Variants in ADCY8 observed in about 807,000 individuals in gnomAD.
ADCY8 encodes the protein adenylate cyclase 8.
ADCY8 carries 51 observed loss-of-function variants against 119.7 expected under a neutral mutation model. That is an observed-to-expected ratio of 0.43 (90% CI 0.34 to 0.54). ADCY8 has a LOEUF of 0.54. Among genes scored for constraint, ADCY8 ranks in the 20% least tolerant of loss-of-function variants. The pLI, the probability that ADCY8 is intolerant of heterozygous loss-of-function variation, is 0.03. For synonymous variants in ADCY8, 665 were observed against 651.0 expected (o/e 1.02, Z -0.33); for missense variants, 1,383 against 1,598.8 (o/e 0.87, Z 2.30).
At position 130,780,601 on chromosome 8, in the gene ADCY8, G is replaced by T; in HGVS notation, c.3545C>A (p.Pro1182His). 1 of 1,614,196 alleles carries T rather than the reference G, an allele frequency of 6.2e-7. No individual in the cohort carries two copies. Among genetic ancestry groups the T allele is most frequent in the Non-Finnish European group, 8.5e-7 (1 of 1,180,022 alleles). ...GTACTGCCCAGGCAGTCTTCTTGGG[G>T]GCAAGATGAATGGGTTGGGTTGGAC... ...GRVQPNPFIL[P>H]PRRLPGQYSL... Residue 1182 changes from proline (P) to histidine (H), a missense_variant, in exon 18 of 18, where the codon CCC (proline) becomes CAC (histidine). Physicochemically the swap from Pro to His is moderately conservative, Grantham distance 77. This residue lies in a region of ADCY8 where 928 missense variants were observed against 1,163.5 expected (regional missense o/e 0.80). Coordinates refer to ENST00000286355, the MANE Select transcript of ADCY8 (RefSeq NM_001115.3).
At chr8:130,972,228 C>G (rs1488950150) in intron 2 of ADCY8, among the ~76,000 whole-genome samples, 1 of 152,222 alleles carries the variant, frequency 6.6e-6, no homozygotes, top group Non-Finnish European at 1.5e-5. Flanking sequence ...TACTATGTGT[C>G]AAGCCCTGTA....
chr8:131,040,115 G>C lies in ADCY8; in HGVS notation c.219C>G (p.Gly73=), dbSNP rs770399675. ...GGSGKASDPA[G]GGPNHHAPQL... ...GCGGCGCGTGGTGGTTGGGGCCGCC[G>C]CCCGCAGGGTCCGAGGCTTTGCCCG... is the stretch of plus-strand genomic sequence containing the variant. Residue 73 remains glycine, a synonymous_variant, in exon 1 of 18, where the codon GGC becomes GGG. Transcript: ENST00000286355. 2.0e-6 allele frequency: 3 copies of C among 1,526,404 alleles called. No homozygotes were observed. The highest frequency in any genetic ancestry group is 2.6e-6 in the Non-Finnish European group (3 of 1,143,370). 94.6% of individuals were successfully genotyped at this position (1,526,404 alleles called of 1,614,324 possible). A position where few individuals can be genotyped will look rare whatever the true frequency, so the allele number is the denominator to read the frequency against.
chr8:130,976,108 A>G (rs1822064680), intron 2 of ADCY8, among the ~76,000 whole-genome samples: 1 of 152,204 alleles, frequency 6.6e-6, no homozygotes, highest in Non-Finnish European at 1.5e-5. Context: ...CACCCCTCCA[A>G]GAACATTCTG....
intron 1 of ADCY8, among the ~76,000 whole-genome samples, chr8:131,035,179 A>G (rs1824111982): frequency 6.6e-6 from 1 of 152,164 alleles, no homozygotes; most frequent in African/African-American, 2.4e-5. Context: ...AGGTATTCCT[A>G]TCATTGGTTT....
At chr8:130,979,052 TA>T (rs1249799070) in intron 2 of ADCY8, among the ~76,000 whole-genome samples, 1 of 152,204 alleles carries the variant, frequency 6.6e-6, no homozygotes, top group African/African-American at 2.4e-5. Flanking sequence ...TACCATGGAA[TA>T]AGTAATGTTC....
At chr8:130,859,088 A>G (rs560759895) in intron 9 of ADCY8, among the ~76,000 whole-genome samples, 1 of 152,246 alleles carries the variant, frequency 6.6e-6, no homozygotes, top group African/African-American at 2.4e-5. Flanking sequence ...AGAAACCAAG[A>G]TGTGAGTGGT....
At chr8:130,981,666 G>A (rs889390450) in intron 2 of ADCY8, among the ~76,000 whole-genome samples, 2 of 152,170 alleles carry the variant, frequency 1.3e-5, no homozygotes, top group Admixed American at 1.3e-4. Flanking sequence ...CATGAGCATA[G>A]GGTCATGAAC....
intron 1 of ADCY8, among the ~76,000 whole-genome samples, chr8:131,024,272 TTAA>T (rs34815362): frequency 5.3e-5 from 8 of 151,900 alleles, no homozygotes; most frequent in Admixed American, 2.0e-4. Context: ...ATAGGAATAA[TTAA>T]TAATAATAAT....
At chr8:131,005,332 T>C (rs1159931414) in intron 1 of ADCY8, among the ~76,000 whole-genome samples, 1 of 152,204 alleles carries the variant, frequency 6.6e-6, no homozygotes, top group African/African-American at 2.4e-5. Context: ...AGTACTGCCG[T>C]CCTCATACAG....
At chr8:130,888,052 A>C (rs1319991432) in intron 7 of ADCY8, among the ~76,000 whole-genome samples, 1 of 152,256 alleles carries the variant, frequency 6.6e-6, no homozygotes, top group Admixed American at 6.5e-5. Context: ...TAAAAATAGC[A>C]TAAGCTTCCA....
intron 13 of ADCY8, among the ~76,000 whole-genome samples, chr8:130,816,712 A>T (rs1295554888): frequency 6.6e-6 from 1 of 152,144 alleles, no homozygotes. Flanking sequence ...GGCATGAGCC[A>T]CTGTGACTGG....
intron 5 of ADCY8, 103 bp from the exon 6 acceptor site, chr8:130,909,969 G>A (rs55864148): frequency 0.12 from 129,587 of 1,067,510 alleles, 8,127 homozygotes; most frequent in Middle Eastern, 0.13. Flanking sequence ...ACGGAGTTTT[G>A]CTCTGTCGCC....
At chr8:130,847,601 G>T (rs2130307215) in intron 10 of ADCY8, 88 bp from the exon 11 acceptor site, 2 of 1,092,914 alleles carry the variant, frequency 1.8e-6, no homozygotes, top group Middle Eastern at 2.6e-4. Flanking sequence ...GGAGCAGTGT[G>T]CTATCAGTGG....
Position 130,918,131 on chromosome 8 carries a change from TAATC to T in ADCY8, c.1482-8269_1482-8266del, listed in dbSNP as rs567834264. On this transcript the variant is annotated intron_variant, in intron 5 of 17. Transcript: ENST00000286355. ...TGATTCTCTGATTTTGTGTGGGTCT[TAATC>T]AACTCAGGCTGCCATAACAAAATTT... 3.4e-4 allele frequency among the ~76,000 whole-genome samples: 52 copies of T among 152,346 alleles called. No individual in the cohort carries two copies. In the South Asian group the frequency reaches 3.7e-3, roughly 11 times the overall value.
chr8:130,918,870 G>C (rs569275125), intron 5 of ADCY8, among the ~76,000 whole-genome samples: 30 of 152,300 alleles, frequency 2.0e-4, no homozygotes, highest in African/African-American at 6.5e-4. Flanking sequence ...ACGCCAGCCT[G>C]GCTAACATGA....
intron 2 of ADCY8, among the ~76,000 whole-genome samples, chr8:130,989,112 A>T (rs1042492563): frequency 1.3e-5 from 2 of 152,192 alleles, no homozygotes; most frequent in African/African-American, 2.4e-5. Flanking sequence ...TATTTTTCTT[A>T]ATTATTCCAA....
intron 3 of ADCY8, among the ~76,000 whole-genome samples, chr8:130,945,524 C>T (rs983239157): frequency 1.3e-5 from 2 of 152,230 alleles, no homozygotes; most frequent in African/African-American, 4.8e-5. Flanking sequence ...GCTCTGTAAA[C>T]TGGAGATAAC....
intron 2 of ADCY8, among the ~76,000 whole-genome samples, chr8:130,968,407 G>A (rs1019232396): frequency 8.5e-5 from 13 of 152,128 alleles, no homozygotes; most frequent in African/African-American, 2.9e-4. Context: ...TCCTGACCTC[G>A]TGATCTGCCT....
intron 2 of ADCY8, among the ~76,000 whole-genome samples, chr8:130,970,502 C>T (rs894820773): frequency 2.6e-5 from 4 of 152,136 alleles, no homozygotes; most frequent in African/African-American, 9.7e-5. Flanking sequence ...TATGGTGACT[C>T]ATATAATTAT....
Sources: allele counts gnomAD v4.1 joint callset (sites outside exome capture counted in the v4.1 genomes callset), GRCh38; gene constraint gnomAD v4.1.1; regional missense constraint gnomAD v4.1.1; transcripts MANE v1.5; gene names NCBI Gene and HGNC (gene_info 2026-07-23, HGNC 2026-07-21).